NRG3: variants seen among roughly 807,000 people sequenced by gnomAD.
NRG3 encodes the protein neuregulin 3.
NRG3 carries 31 observed loss-of-function variants against 66.9 expected under a neutral mutation model. The observed-to-expected ratio is 0.46, with a 90% CI of 0.35 to 0.63. The LOEUF (loss-of-function observed/expected upper bound fraction) is 0.63. NRG3 is among the 20% of genes least tolerant of loss of function. The pLI is 0.00. For synonymous variants in NRG3, 393 were observed against 359.4 expected, an observed-to-expected ratio of 1.09 and a Z score of -1.06; for missense variants, 910 against 878.9, an observed-to-expected ratio of 1.04 and a Z score of -0.45.
chr10:82,109,230 C>T (rs555803906), intron 1 of NRG3, among the ~76,000 whole-genome samples: 36 of 152,238 alleles, frequency 2.4e-4, no homozygotes, highest in South Asian at 2.3e-3. Context: ...ATTCCAGGCA[C>T]AGGGCTCTTG....
chr10:82,960,723 C>T (rs1348561394), intron 6 of NRG3, among the ~76,000 whole-genome samples: 1 of 152,090 alleles, frequency 6.6e-6, no homozygotes, highest in East Asian at 1.9e-4. Flanking sequence ...CGGTCCTTGC[C>T]TTAACTGGTG....
In NRG3 at chr10:81,935,634, C is replaced by G. The variant is rs191516968; in HGVS notation, c.823+59471C>G. The stretch of plus-strand genomic sequence containing the variant: ...TCACCCCCTCCCCACCTTTGTTGTT[C>G]TTCTTGATGCCTATTTGACAGAAGG... On this transcript the variant is annotated intron_variant, in intron 1 of 8. Transcript: ENST00000372141. 2.3e-3 allele frequency among the ~76,000 whole-genome samples: 345 copies of G among 152,176 alleles called. 1 individual carries two copies. The highest frequency in any genetic ancestry group is 0.01 in the Middle Eastern group (3 of 294).
chr10:81,988,048 G>T (rs1456596592), intron 1 of NRG3, among the ~76,000 whole-genome samples: 1 of 152,070 alleles, frequency 6.6e-6, no homozygotes, highest in Non-Finnish European at 1.5e-5. Flanking sequence ...TAATATTTGG[G>T]TTAAAATGGC....
intron 2 of NRG3, among the ~76,000 whole-genome samples, chr10:82,437,343 T>G (rs1475708732): frequency 6.6e-6 from 1 of 151,870 alleles, no homozygotes; most frequent in African/African-American, 2.4e-5. Context: ...TTGATACTTA[T>G]GTATGCTTCA....
At chr10:82,403,824 A>G (rs777987933) in intron 2 of NRG3, among the ~76,000 whole-genome samples, 73 of 152,142 alleles carry the variant, frequency 4.8e-4, no homozygotes, top group Non-Finnish European at 3.1e-4. Context: ...TCTTATCAAT[A>G]ATATGACTTT....
At chr10:81,951,949 A>T (rs539935110) in intron 1 of NRG3, among the ~76,000 whole-genome samples, 61 of 152,302 alleles carry the variant, frequency 4.0e-4, no homozygotes, top group Non-Finnish European at 8.1e-4. Context: ...GCCATAAAAA[A>T]GGATGAGTTC....
intron 2 of NRG3, among the ~76,000 whole-genome samples, chr10:82,430,309 G>A (rs2089717634): frequency 6.6e-6 from 1 of 151,924 alleles, no homozygotes; most frequent in Admixed American, 6.6e-5. Context: ...CCAGGCTGGA[G>A]TGCAGTGGCG....
intron 3 of NRG3, among the ~76,000 whole-genome samples, chr10:82,766,721 T>A (rs2059527259): frequency 6.6e-6 from 1 of 152,010 alleles, no homozygotes; most frequent in African/African-American, 2.4e-5. Flanking sequence ...CCTTCTGTAA[T>A]TAAAGACAAA....
At chr10:82,678,706 C>T (rs993461475) in intron 2 of NRG3, among the ~76,000 whole-genome samples, 7 of 152,110 alleles carry the variant, frequency 4.6e-5, no homozygotes, top group Non-Finnish European at 8.8e-5. Flanking sequence ...TTTCCTCACG[C>T]CTGCCTGACT....
intron 1 of NRG3, among the ~76,000 whole-genome samples, chr10:82,093,197 C>T (rs1329155971): frequency 1.3e-5 from 2 of 152,144 alleles, no homozygotes; most frequent in Non-Finnish European, 2.9e-5. Flanking sequence ...GGACACAATG[C>T]CTAAACAATT....
At chr10:82,378,233 A>G (rs966979578) in intron 2 of NRG3, among the ~76,000 whole-genome samples, 8 of 152,206 alleles carry the variant, frequency 5.3e-5, no homozygotes, top group African/African-American at 1.9e-4. Flanking sequence ...TACAGAGGGA[A>G]AGCATTAAGA....
chr10:82,623,916 G>T (rs192383945), intron 2 of NRG3, among the ~76,000 whole-genome samples: 3 of 151,922 alleles, frequency 2.0e-5, no homozygotes, highest in Admixed American at 6.6e-5. Flanking sequence ...GATAGGGAAG[G>T]GACCCCAGAA....
intron 2 of NRG3, among the ~76,000 whole-genome samples, chr10:82,527,229 T>C (rs1465357184): frequency 6.6e-6 from 1 of 152,024 alleles, no homozygotes; most frequent in Non-Finnish European, 1.5e-5. Flanking sequence ...GATGTCAACT[T>C]GAATGAATCA....
chr10:82,493,128 TTTTTA>T (rs1843303702), intron 2 of NRG3, among the ~76,000 whole-genome samples: 1 of 152,004 alleles, frequency 6.6e-6, no homozygotes, highest in African/African-American at 2.4e-5. Context: ...TTAATTTCAA[TTTTTA>T]TTTTAAGTTC....
At chr10:81,906,785 A>G (rs995664692) in intron 1 of NRG3, among the ~76,000 whole-genome samples, 2 of 152,176 alleles carry the variant, frequency 1.3e-5, no homozygotes, top group African/African-American at 4.8e-5. Flanking sequence ...ACGTTTGCAA[A>G]GTTATCACAG....
chr10:82,620,709 T>C (rs1441688767), intron 2 of NRG3, among the ~76,000 whole-genome samples: 1 of 152,084 alleles, frequency 6.6e-6, no homozygotes, highest in Non-Finnish European at 1.5e-5. Flanking sequence ...GGGATAGAAG[T>C]TCTCACTTTG....
At chr10:82,004,125 A>C (rs2061289055) in intron 1 of NRG3, among the ~76,000 whole-genome samples, 1 of 152,276 alleles carries the variant, frequency 6.6e-6, no homozygotes, top group East Asian at 1.9e-4. Flanking sequence ...ATCATTTAAA[A>C]CATTAATTGG....
chr10:82,036,540 A>G (rs1363330628), intron 1 of NRG3, among the ~76,000 whole-genome samples: 1 of 152,144 alleles, frequency 6.6e-6, no homozygotes, highest in African/African-American at 2.4e-5. Context: ...ATGTTATATG[A>G]TGCTAAAATA....
chr10:82,842,814 G>C (rs2063125886), intron 3 of NRG3, among the ~76,000 whole-genome samples: 1 of 151,340 alleles, frequency 6.6e-6, no homozygotes, highest in African/African-American at 2.4e-5. Flanking sequence ...TCAAACTTCT[G>C]GCCTCAAGTG....
Sources: gnomAD v4.1 joint callset for allele counts (sites outside exome capture counted in the v4.1 genomes callset) on GRCh38, gnomAD v4.1.1 for gene constraint, MANE v1.5 for transcripts, NCBI Gene and HGNC (gene_info 2026-07-23, HGNC 2026-07-21) for gene names.